Variants in FAM91A1 observed in about 807,000 individuals in gnomAD.
The protein encoded by FAM91A1 is protein FAM91A1.
A neutral mutation model predicts 113.5 loss-of-function variants in FAM91A1; 41 were observed. The ratio of observed to expected loss-of-function variants is 0.36; its 90% CI spans 0.28 to 0.47. The LOEUF is 0.47. Ranked by LOEUF, FAM91A1 falls within the 20% of genes least tolerant of loss-of-function variation. The pLI, the probability that FAM91A1 is intolerant of heterozygous loss-of-function variation, is 1.00. For synonymous variants in FAM91A1, 307 were observed against 347.9 expected, an observed-to-expected ratio of 0.88 and a Z score of 1.31; for missense variants, 696 against 1,001.2, an observed-to-expected ratio of 0.70 and a Z score of 4.11.
At chr8:123,775,365 A>T (rs989836179) in intron 3 of FAM91A1, 67 bp downstream of exon 3, 13 of 1,552,978 alleles carry the variant, frequency 8.4e-6, no homozygotes, top group Non-Finnish European at 1.1e-5. Context: ...CTTTTTGCAG[A>T]TGTTCACCAG....
Position 123,784,550 on chromosome 8 carries a change from A to G in FAM91A1, c.784A>G (p.Ile262Val). 2 of 1,606,560 alleles carry G rather than the reference A, an allele frequency of 1.2e-6. No homozygotes were observed. The highest frequency in any genetic ancestry group is 1.1e-5 in the South Asian group (1 of 88,812). The change falls in exon 9 of 24, where the codon ATA becomes GTA. Residue 262 changes from isoleucine (I) to valine (V), a missense_variant. Ile to Val is a conservative substitution (Grantham distance 29). Coordinates refer to ENST00000334705, the MANE Select transcript of FAM91A1 (RefSeq NM_144963.4). Reference sequence around the variant, plus strand: ...TCTACTCTATAAGATATTTGTTTCAATAGATGAGCACACAAATGTTGCAGA... The same window carrying G: ...TCTACTCTATAAGATATTTGTTTCAGTAGATGAGCACACAAATGTTGCAGA... ...ETLLYKIFVS[I>V]DEHTNVAELA... is the part of the protein sequence containing the mutation.
At chr8:123,803,453 A>C (rs1815735376) in intron 18 of FAM91A1, among the ~76,000 whole-genome samples, 1 of 151,916 alleles carries the variant, frequency 6.6e-6, no homozygotes, top group Non-Finnish European at 1.5e-5. Flanking sequence ...TGGGACTACA[A>C]GCTCACGCCA....
At chr8:123,807,191 T>C (rs547226131) in intron 20 of FAM91A1, among the ~76,000 whole-genome samples, 9 of 152,218 alleles carry the variant, frequency 5.9e-5, no homozygotes, top group African/African-American at 2.2e-4. Flanking sequence ...TTTGGCCAAA[T>C]AGTTGACTGC....
Position 123,787,300 on chromosome 8 carries a change from G to A in FAM91A1, c.1118G>A (p.Gly373Glu), listed in dbSNP as rs1815282828. 1.2e-6 allele frequency: 2 copies of A among 1,611,556 alleles called. No individual in the cohort carries two copies. The highest frequency in any genetic ancestry group is 1.7e-6 in the Non-Finnish European group (2 of 1,179,710). The change falls in exon 13 of 24, where the codon GGA becomes GAA. Residue 373 changes from glycine to glutamate, a missense_variant. Gly to Glu is a moderately conservative substitution (Grantham distance 98). Coordinates refer to ENST00000334705, the MANE Select transcript of FAM91A1 (RefSeq NM_144963.4). Reference protein sequence around the residue: ...ASVSSLSLSTGHTKRIAFLFD... With the variant: ...ASVSSLSLSTEHTKRIAFLFD... ...GTAAGCAGCCTGAGTCTGTCTACAGGACACACGAAGCGCATCGCATTCCTG... is the reference window on the plus strand; with the variant it reads ...GTAAGCAGCCTGAGTCTGTCTACAGAACACACGAAGCGCATCGCATTCCTG...
chr8:123,805,940 A>G, intron 19 of FAM91A1, 140 bp from the exon 20 acceptor site: 1 of 755,470 alleles, frequency 1.3e-6, no homozygotes, highest in Non-Finnish European at 1.9e-6. Context: ...TGACAACTTT[A>G]TATATTTCTT....
At chr8:123,811,411 G>A (rs1815949823) in intron 23 of FAM91A1, 2 of 152,154 alleles carry the variant, frequency 1.3e-5, no homozygotes, top group African/African-American at 4.8e-5. Context: ...AATTTTATAA[G>A]GATGCAATAA....
chr8:123,810,668 C>T (rs974954644), intron 23 of FAM91A1: 11 of 364,826 alleles, frequency 3.0e-5, no homozygotes, highest in African/African-American at 1.3e-4. Context: ...ATAACTAAAG[C>T]GATTCTCCAC....
At chr8:123,796,729 T>A (rs2130123101) in intron 15 of FAM91A1, among the ~76,000 whole-genome samples, 1 of 147,758 alleles carries the variant, frequency 6.8e-6, no homozygotes, top group African/African-American at 2.5e-5. Context: ...AGTACTGGGA[T>A]TACAGGCATG....
At chr8:123,786,815 T>A (rs751509977) in intron 12 of FAM91A1, among the ~76,000 whole-genome samples, 4 of 152,076 alleles carry the variant, frequency 2.6e-5, no homozygotes, top group Non-Finnish European at 4.4e-5. Flanking sequence ...AAGAATTAAG[T>A]CTAAGGAGAG....
intron 15 of FAM91A1, among the ~76,000 whole-genome samples, chr8:123,791,276 T>C (rs543722183): frequency 6.7e-6 from 1 of 149,688 alleles, no homozygotes; most frequent in Admixed American, 6.8e-5. Context: ...ATGGAAGACT[T>C]GAATCTGTGT....
At chr8:123,769,187 A>C (rs1814779884) in intron 1 of FAM91A1, among the ~76,000 whole-genome samples, 3 of 152,226 alleles carry the variant, frequency 2.0e-5, no homozygotes, top group Admixed American at 2.0e-4. Flanking sequence ...GAGCAGAGGG[A>C]GGGAGAAATT....
Position 123,786,725 on chromosome 8 carries a change from T to A in FAM91A1, c.1078+115T>A, listed in dbSNP as rs556301090. 1.0e-5 allele frequency: 8 copies of A among 797,168 alleles called. No homozygotes were observed. In the East Asian group the frequency reaches 2.1e-4, roughly 21 times the overall value. 49.4% of individuals were successfully genotyped at this position (797,168 alleles called of 1,614,324 possible). On this transcript the variant is annotated intron_variant, in intron 12 of 23. Coordinates refer to ENST00000334705, the MANE Select transcript of FAM91A1 (RefSeq NM_144963.4). ...TTTAGATTTTATTCAATACGCAGTC[T>A]TTGAGTGTTTTACTATATTTTGGGC... is the stretch of plus-strand genomic sequence containing the variant.
chr8:123,775,102 A>G (rs1237434834), intron 2 of FAM91A1, 45 bp from the exon 3 acceptor site: 17 of 1,525,070 alleles, frequency 1.1e-5, no homozygotes, highest in Non-Finnish European at 1.5e-5. Context: ...ATATATAACT[A>G]TAAGAAACCT....
At chr8:123,790,554 C>G (rs988968612) in intron 15 of FAM91A1, among the ~76,000 whole-genome samples, 1 of 152,188 alleles carries the variant, frequency 6.6e-6, no homozygotes, top group Non-Finnish European at 1.5e-5. Flanking sequence ...TGATTAGTTT[C>G]ATTTACCTAA....
intron 20 of FAM91A1, 100 bp from the exon 21 acceptor site, chr8:123,808,172 A>T (rs1285731576): frequency 7.6e-6 from 7 of 917,780 alleles, no homozygotes; most frequent in Middle Eastern, 3.5e-4. Flanking sequence ...TTCTGTCATC[A>T]TTACTATTGT....
intron 23 of FAM91A1, chr8:123,810,700 G>T: frequency 3.4e-6 from 1 of 295,748 alleles, no homozygotes; most frequent in Non-Finnish European, 6.2e-6. Context: ...GCTGTCTGTT[G>T]TGGCAGCGAA....
intron 19 of FAM91A1, 53 bp downstream of exon 19, chr8:123,805,392 T>G: frequency 7.4e-7 from 1 of 1,358,130 alleles, no homozygotes; most frequent in South Asian, 1.3e-5. Context: ...TTATTACTCA[T>G]GTCAACAGTT....
rs1348639618 is a variant in FAM91A1 at position 123,813,505 on chromosome 8, T to C, written c.*801T>C. The C allele has an allele frequency of 1.3e-5, 2 of 152,618 alleles. No homozygotes were observed. The highest frequency in any genetic ancestry group is 4.8e-5 in the African/African-American group (2 of 41,466). The allele number at this position is 152,618 out of a possible 1,614,324, so 9.5% of individuals were successfully genotyped here. A position where few individuals can be genotyped will look rare whatever the true frequency, so the allele number is the denominator to read the frequency against. ...GCTGCACACTTTCACCCTGATTTAT[T>C]TTTTTGTTTCTTAGCTTTGATGTTT... On this transcript the variant is annotated 3_prime_UTR_variant, in exon 24 of 24. Coordinates refer to ENST00000334705, the MANE Select transcript of FAM91A1 (RefSeq NM_144963.4).
chr8:123,789,668 T>C lies in FAM91A1; in HGVS notation c.1334T>C (p.Leu445Pro), dbSNP rs1232302646. ...AGATATTTTGATCATGCACTTACTC[T>C]GAGAAACACAATACTGTTTCTGCGT... ...AQRYFDHALTLRNTILFLRHN... is the reference protein window; with the variant it reads ...AQRYFDHALTPRNTILFLRHN... The change falls in exon 15 of 24, where the codon CTG becomes CCG. Residue 445 changes from leucine to proline, a missense_variant. Physicochemically the swap from Leu to Pro is moderately conservative, Grantham distance 98. Coordinates refer to ENST00000334705, the MANE Select transcript of FAM91A1 (RefSeq NM_144963.4). 1 of 1,612,560 alleles carries C rather than the reference T, an allele frequency of 6.2e-7. No homozygotes were observed. Among genetic ancestry groups the C allele is most frequent in the Non-Finnish European group, 8.5e-7 (1 of 1,179,796 alleles).
Sources: gnomAD v4.1 joint callset for allele counts (sites outside exome capture counted in the v4.1 genomes callset) on GRCh38, gnomAD v4.1.1 for gene constraint, MANE v1.5 for transcripts, NCBI Gene and HGNC (gene_info 2026-07-23, HGNC 2026-07-21) for gene names.